MACROD2: variants seen among roughly 807,000 people sequenced by gnomAD.
MACROD2 encodes the protein ADP-ribose glycohydrolase MACROD2.
MACROD2 carries 36 observed loss-of-function variants against 70.4 expected under a neutral mutation model. The ratio of observed to expected loss-of-function variants is 0.51; its 90% confidence interval spans 0.39 to 0.68. The LOEUF (loss-of-function observed/expected upper bound fraction) is 0.68, where lower values mean the gene tolerates loss of function less well. Among genes scored for constraint, MACROD2 ranks in the 30% least tolerant of loss-of-function variants. The probability of loss-of-function intolerance (pLI) is 0.00; values close to 1 mark genes in which losing one functional copy is unlikely to be tolerated. For synonymous variants in MACROD2, 172 were observed against 178.8 expected (o/e 0.96, Z 0.30); for missense variants, 496 against 538.4 (o/e 0.92, Z 0.78).
chr20:14,515,473 A>ACGCGCGTGCG (rs1406815284), intron 4 of MACROD2, among the ~76,000 whole-genome samples: 1 of 67,548 alleles, frequency 1.5e-5, no homozygotes, highest in African/African-American at 7.0e-5. Flanking sequence ...ACGCACACAC[A>ACGCGCGTGCG]CACACACACA....
intron 5 of MACROD2, among the ~76,000 whole-genome samples, chr20:14,730,447 T>C (rs538295087): frequency 6.6e-6 from 1 of 152,188 alleles, no homozygotes; most frequent in South Asian, 2.1e-4. Context: ...GTCTCTCTCA[T>C]GGCGTTAGCG....
chr20:14,879,711 CT>C (rs1306861615), intron 5 of MACROD2, among the ~76,000 whole-genome samples: 1 of 152,102 alleles, frequency 6.6e-6, no homozygotes, highest in Non-Finnish European at 1.5e-5. Context: ...GAGTATAGCT[CT>C]GATTCATAAG....
chr20:15,975,065 C>A (rs1003027199), intron 13 of MACROD2, among the ~76,000 whole-genome samples: 1 of 151,742 alleles, frequency 6.6e-6, no homozygotes, highest in Non-Finnish European at 1.5e-5. Flanking sequence ...TAAGAAAAAA[C>A]ATAAACAATC....
chr20:14,426,331 CTCT>C (rs2083932452), intron 3 of MACROD2, among the ~76,000 whole-genome samples: 1 of 151,422 alleles, frequency 6.6e-6, no homozygotes, highest in Admixed American at 6.6e-5. Flanking sequence ...CCAAATATTC[CTCT>C]TTTTTTCCTT....
chr20:16,005,048 T>C (rs2066769316), intron 15 of MACROD2, among the ~76,000 whole-genome samples: 1 of 152,160 alleles, frequency 6.6e-6, no homozygotes, highest in African/African-American at 2.4e-5. Flanking sequence ...ATGAACAGGA[T>C]ATATGGGGGG....
intron 5 of MACROD2, among the ~76,000 whole-genome samples, chr20:14,782,061 C>T (rs1268435512): frequency 1.3e-5 from 2 of 151,852 alleles, no homozygotes; most frequent in Non-Finnish European, 2.9e-5. Context: ...GTAGCTGGGA[C>T]TACAGTCATG....
chr20:15,324,982 G>T (rs570621242), intron 6 of MACROD2, among the ~76,000 whole-genome samples: 2 of 149,584 alleles, frequency 1.3e-5, no homozygotes, highest in East Asian at 3.9e-4. Flanking sequence ...CATTCATAAG[G>T]CCTCCTTCCA....
intron 8 of MACROD2, among the ~76,000 whole-genome samples, chr20:15,858,675 G>C (rs1213094652): frequency 1.3e-5 from 2 of 152,140 alleles, no homozygotes; most frequent in Non-Finnish European, 2.9e-5. Context: ...TGGCTCAAAG[G>C]CCTGGAGTTG....
chr20:15,477,791 G>C (rs896038307), intron 7 of MACROD2, among the ~76,000 whole-genome samples: 1 of 152,178 alleles, frequency 6.6e-6, no homozygotes, highest in Non-Finnish European at 1.5e-5. Flanking sequence ...GGGATGGGAG[G>C]ATTCTGGATG....
At chr20:15,955,375 T>G (rs989473141) in intron 12 of MACROD2, among the ~76,000 whole-genome samples, 4 of 152,110 alleles carry the variant, frequency 2.6e-5, no homozygotes, top group Admixed American at 6.6e-5. Context: ...ATTGTTCAGG[T>G]GTAAGGTGGT....
At chr20:14,712,370 T>G (rs1053273798) in intron 5 of MACROD2, among the ~76,000 whole-genome samples, 1 of 152,190 alleles carries the variant, frequency 6.6e-6, no homozygotes, top group African/African-American at 2.4e-5. Flanking sequence ...CAGTGCTCAC[T>G]TGTCTTCATG....
intron 3 of MACROD2, among the ~76,000 whole-genome samples, chr20:14,418,827 G>A (rs1006679866): frequency 1.3e-5 from 2 of 152,080 alleles, no homozygotes; most frequent in African/African-American, 2.4e-5. Context: ...AATGTAGTGA[G>A]GTCCAACTTT....
intron 8 of MACROD2, among the ~76,000 whole-genome samples, chr20:15,747,655 G>T (rs182789394): frequency 2.0e-5 from 3 of 151,994 alleles, no homozygotes; most frequent in South Asian, 2.1e-4. Context: ...TTTGTATCCC[G>T]CATCTTTGCT....
intron 3 of MACROD2, among the ~76,000 whole-genome samples, chr20:14,228,462 C>T (rs2081766639): frequency 2.6e-5 from 4 of 151,684 alleles, no homozygotes; most frequent in South Asian, 2.1e-4. Context: ...CTCAGCCTCC[C>T]GAGTAGCTGG....
At chr20:15,162,202 T>C (rs546761269) in intron 5 of MACROD2, among the ~76,000 whole-genome samples, 9 of 152,170 alleles carry the variant, frequency 5.9e-5, no homozygotes, top group African/African-American at 1.9e-4. Flanking sequence ...GTTTTTGTTT[T>C]TGTTTTGTAT....
chr20:15,978,170 C>T (rs1034343087), intron 13 of MACROD2, among the ~76,000 whole-genome samples: 8 of 152,130 alleles, frequency 5.3e-5, no homozygotes, highest in African/African-American at 1.9e-4. Flanking sequence ...TTGAAAAGCT[C>T]CCAGGTAATT....
chr20:15,404,313 A>G (rs1284790984), intron 6 of MACROD2, among the ~76,000 whole-genome samples: 1 of 152,128 alleles, frequency 6.6e-6, no homozygotes, highest in Non-Finnish European at 1.5e-5. Flanking sequence ...TTAGTATTCT[A>G]TGTTATATTT....
chr20:14,801,965 G>T (rs924078761), intron 5 of MACROD2, among the ~76,000 whole-genome samples: 1 of 152,020 alleles, frequency 6.6e-6, no homozygotes, highest in Non-Finnish European at 1.5e-5. Context: ...GGTACAGGGG[G>T]TCAATATCAG....
chr20:15,494,776 T>TGTGTGC lies in MACROD2; in HGVS notation c.572-4997_572-4996insTGTGCG, dbSNP rs368522802. 6.6e-3 allele frequency among the ~76,000 whole-genome samples: 872 copies of TGTGTGC among 131,948 alleles called. 8 individuals carry two copies. The highest frequency in any genetic ancestry group is 0.023 in the Middle Eastern group (6 of 258). The allele number at this position is 131,948 out of a possible 152,430, so 86.6% of individuals were successfully genotyped here. A position where few individuals can be genotyped will look rare whatever the true frequency, so the allele number is the denominator to read the frequency against. ...GTGTGTGTGTGTGCGCGTGTGTGTG[T>TGTGTGC]GCGCGCGTGTGTGCAGTATATAAAA... On this transcript the variant is annotated intron_variant, in intron 7 of 17. Coordinates refer to ENST00000684519, the MANE Select transcript of MACROD2 (RefSeq NM_001351661.2).
Sources: allele counts gnomAD v4.1 joint callset (sites outside exome capture counted in the v4.1 genomes callset), GRCh38; gene constraint gnomAD v4.1.1; transcripts MANE v1.5; gene names NCBI Gene and HGNC (gene_info 2026-07-23, HGNC 2026-07-21).